Variants in MYO16 observed in about 807,000 individuals in gnomAD.
MYO16 encodes myosin XVI.
A neutral mutation model predicts 205.3 loss-of-function variants in MYO16; 94 were observed. That is an observed-to-expected ratio of 0.46 (90% CI 0.39 to 0.54). The LOEUF (loss-of-function observed/expected upper bound fraction) is 0.54. MYO16 is among the 20% of genes least tolerant of loss of function. The pLI is 0.00. For synonymous variants in MYO16, 988 were observed against 954.0 expected (o/e 1.04, Z -0.66); for missense variants, 2,315 against 2,387.5 (o/e 0.97, Z 0.63).
intron 1 of MYO16, among the ~76,000 whole-genome samples, chr13:108,630,143 A>C (rs78804041): frequency 2.2e-5 from 2 of 90,774 alleles, no homozygotes; most frequent in Admixed American, 1.0e-4. Context: ...CAGCAACCAG[A>C]AAAAAAAAAA....
chr13:109,078,992 C>T (rs1217531601), intron 27 of MYO16, among the ~76,000 whole-genome samples: 1 of 152,122 alleles, frequency 6.6e-6, no homozygotes, highest in Non-Finnish European at 1.5e-5. Context: ...GAGAGGGAGC[C>T]TCTGAAAATC....
intron 4 of MYO16, among the ~76,000 whole-genome samples, chr13:108,766,177 G>A (rs1429708193): frequency 6.6e-6 from 1 of 152,040 alleles, no homozygotes; most frequent in Admixed American, 6.5e-5. Flanking sequence ...AAAACAGTGG[G>A]AACCTGTGGG....
chr13:109,050,772 CTA>C (rs1270105404), intron 24 of MYO16, among the ~76,000 whole-genome samples: 25 of 151,970 alleles, frequency 1.6e-4, no homozygotes, highest in African/African-American at 5.6e-4. Context: ...TGATTAATTA[CTA>C]TGATTATACT....
In MYO16 at chr13:108,706,956, C is replaced by T. The variant is rs900049114; in HGVS notation, c.293-5705C>T. Reference sequence around the variant, plus strand: ...CTTCAAGCTAATTGGCCCAAATTCCCTTGCCAAGGCTGGAACCTAATGCAG... The same window carrying T: ...CTTCAAGCTAATTGGCCCAAATTCCTTTGCCAAGGCTGGAACCTAATGCAG... On this transcript the variant is annotated intron_variant, in intron 2 of 34. Transcript: ENST00000457511. Among the ~76,000 whole-genome samples, 5 of 152,148 alleles carry T rather than the reference C, an allele frequency of 3.3e-5. No homozygotes were observed. The East Asian group carries it at 5.8e-4, about 18-fold the overall frequency.
chr13:108,624,839 C>G (rs1879674313), upstream of MYO16, among the ~76,000 whole-genome samples: 2 of 144,732 alleles, frequency 1.4e-5, no homozygotes, highest in Admixed American at 1.4e-4. Context: ...CTTCATATAT[C>G]CATATCAATG....
chr13:109,183,232 A>G (rs902944008), intron 34 of MYO16, among the ~76,000 whole-genome samples: 1 of 152,200 alleles, frequency 6.6e-6, no homozygotes, highest in Non-Finnish European at 1.5e-5. Context: ...GTGGGGGGGA[A>G]TGCTGACAGC....
rs1876293849 is a variant in MYO16 at position 109,127,197 on chromosome 13, T to A, written c.3783-85T>A. On this transcript the variant is annotated intron_variant, in intron 30 of 34. Transcript: ENST00000457511. The surrounding 1 kb of genome is among the most constrained non-coding windows in gnomAD (Gnocchi z 4.2). Reference sequence around the variant, plus strand: ...TGCTTGCCAAAAAGCCGTCATTATGTCTGCTTGAGCAGGTTCCTTGTTACC... The same window carrying A: ...TGCTTGCCAAAAAGCCGTCATTATGACTGCTTGAGCAGGTTCCTTGTTACC... 2.1e-6 allele frequency: 3 copies of A among 1,454,038 alleles called. No individual in the cohort carries two copies. Among genetic ancestry groups the A allele is most frequent in the Non-Finnish European group, 2.7e-6 (3 of 1,097,326 alleles). 90.1% of individuals were successfully genotyped at this position (1,454,038 alleles called of 1,614,324 possible).
chr13:108,540,809 G>A, the MYO16 span, among the ~76,000 whole-genome samples: 1 of 152,072 alleles, frequency 6.6e-6, no homozygotes, highest in South Asian at 2.1e-4. Flanking sequence ...GAAGTGCAAA[G>A]CTTCATGTTT....
intron 4 of MYO16, among the ~76,000 whole-genome samples, chr13:108,736,307 G>A (rs971222083): frequency 6.6e-6 from 1 of 152,086 alleles, no homozygotes; most frequent in Non-Finnish European, 1.5e-5. Context: ...AATCCATCTC[G>A]AATTAATTTT....
intron 34 of MYO16, among the ~76,000 whole-genome samples, chr13:109,205,185 G>T (rs1284586001): frequency 1.3e-5 from 2 of 152,148 alleles, no homozygotes. Flanking sequence ...CTGGTTGTCT[G>T]TAAATTCAAC....
At chr13:108,725,123 A>T (rs1318097072) in intron 3 of MYO16, among the ~76,000 whole-genome samples, 1 of 152,120 alleles carries the variant, frequency 6.6e-6, no homozygotes, top group Admixed American at 6.6e-5. Flanking sequence ...CTCATCTCTG[A>T]AAGTTAAATT....
chr13:109,061,991 C>T (rs1257811797), intron 27 of MYO16, among the ~76,000 whole-genome samples: 7 of 152,082 alleles, frequency 4.6e-5, no homozygotes, highest in Non-Finnish European at 5.9e-5. Context: ...GGTTGTCCAG[C>T]GTAACCTTTG....
chr13:109,168,248 CTTATT>C (rs1878772600), intron 33 of MYO16, among the ~76,000 whole-genome samples: 1 of 151,864 alleles, frequency 6.6e-6, no homozygotes, highest in Non-Finnish European at 1.5e-5. Flanking sequence ...CTTTAAAAGG[CTTATT>C]TAATGTAAAC....
chr13:108,865,363 T>A (rs1222778524), intron 11 of MYO16, among the ~76,000 whole-genome samples: 1 of 152,152 alleles, frequency 6.6e-6, no homozygotes, highest in Non-Finnish European at 1.5e-5. Flanking sequence ...TTAGAAATGT[T>A]GTTTCTTCCT....
intron 28 of MYO16, among the ~76,000 whole-genome samples, chr13:109,117,096 C>T (rs1162493619): frequency 6.6e-6 from 1 of 151,106 alleles, no homozygotes; most frequent in Non-Finnish European, 1.5e-5. Context: ...TCCTCCATGA[C>T]TTATTCTATC....
the MYO16 span, among the ~76,000 whole-genome samples, chr13:108,522,243 A>G: frequency 1.3e-5 from 2 of 152,256 alleles, no homozygotes; most frequent in African/African-American, 4.8e-5. Flanking sequence ...AATGACTTCT[A>G]TGAATTATAA....
intron 34 of MYO16, 67 bp from the exon 35 acceptor site, chr13:109,206,542 A>AT (rs11430851): frequency 0.26 from 314,069 of 1,209,600 alleles, 43,223 homozygotes; most frequent in Middle Eastern, 0.28. Context: ...AGGTGTTGCT[A>AT]TCACACTTCA....
chr13:109,178,429 C>G (rs1238771596), intron 33 of MYO16, among the ~76,000 whole-genome samples: 1 of 152,154 alleles, frequency 6.6e-6, no homozygotes, highest in African/African-American at 2.4e-5. Context: ...CTGAGGAACT[C>G]TCTCCTATAA....
intron 27 of MYO16, among the ~76,000 whole-genome samples, chr13:109,078,403 T>C (rs1888182790): frequency 6.6e-6 from 1 of 152,178 alleles, no homozygotes; most frequent in Non-Finnish European, 1.5e-5. Context: ...CTCATGCCAC[T>C]GTGCTCCGGT....
Sources: gnomAD v4.1 joint callset for allele counts (sites outside exome capture counted in the v4.1 genomes callset) on GRCh38, gnomAD v4.1.1 for gene constraint, Gnocchi (gnomAD v3.1) non-coding constraint, MANE v1.5 for transcripts, NCBI Gene and HGNC (gene_info 2026-07-23, HGNC 2026-07-21) for gene names.